Variants in SSH2 observed in about 807,000 individuals in gnomAD.
SSH2 encodes slingshot protein phosphatase 2.
A neutral mutation model predicts 135.2 loss-of-function variants in SSH2; 37 were observed. The observed-to-expected ratio is 0.27, with a 90% CI of 0.21 to 0.36. The LOEUF (loss-of-function observed/expected upper bound fraction) is 0.36. Among genes scored for constraint, SSH2 ranks in the 10% least tolerant of loss-of-function variants. The probability of loss-of-function intolerance (pLI) is 1.00; values close to 1 mark genes in which losing one functional copy is unlikely to be tolerated. For synonymous variants in SSH2, 628 were observed against 646.2 expected (o/e 0.97, Z 0.43); for missense variants, 1,408 against 1,765.3 (o/e 0.80, Z 3.63).
In SSH2 at chr17:29,671,481, C is replaced by T. The variant is rs1337823339; in HGVS notation, c.809+454G>A. ...TGGGTGACAGAGTGAGATCCTGTCT[C>T]TTAAAAAAAAAAATTAGCTTATTAG... On this transcript the variant is annotated intron_variant, in intron 9 of 15. Transcript: ENST00000540801. Among the ~76,000 whole-genome samples, 4 of 150,858 alleles carry T rather than the reference C, an allele frequency of 2.7e-5. 1 individual carries two copies. Among genetic ancestry groups the T allele is most frequent in the Non-Finnish European group, 5.9e-5 (4 of 67,804 alleles).
Position 29,631,535 on chromosome 17 carries a change from C to T in SSH2, c.3659G>A (p.Gly1220Asp). 2 of 1,614,148 alleles carry T rather than the reference C, an allele frequency of 1.2e-6. No homozygotes were observed. ...SADLSLISKL[G>D]DNTGELQEKM... ...CTCCTGTAACTCCCCAGTGTTGTCA[C>T]CAAGTTTGCTAATTAAACTTAGGTC... Residue 1220 changes from glycine to aspartate, a missense_variant, in exon 16 of 16, where the codon GGT (glycine) becomes GAT (aspartate). Physicochemically the swap from Gly to Asp is moderately conservative, Grantham distance 94. This residue lies in a region of SSH2 where 1,080 missense variants were observed against 1,144.5 expected (regional missense o/e 0.94). Transcript: ENST00000540801.
intron 3 of SSH2, among the ~76,000 whole-genome samples, chr17:29,756,534 A>G (rs993846181): frequency 7.5e-6 from 1 of 133,796 alleles, no homozygotes; most frequent in Admixed American, 9.0e-5. Flanking sequence ...GTCCTGCTAC[A>G]TTGCCTGGGC....
At chr17:29,653,583 T>G (rs1289746560) in intron 12 of SSH2, among the ~76,000 whole-genome samples, 2 of 151,918 alleles carry the variant, frequency 1.3e-5, no homozygotes, top group African/African-American at 4.8e-5. Context: ...TTCCCAGAAG[T>G]ACAGATTTTT....
At chr17:29,910,301 G>T (rs912504038) in intron 1 of SSH2, among the ~76,000 whole-genome samples, 2 of 146,068 alleles carry the variant, frequency 1.4e-5, no homozygotes, top group African/African-American at 5.1e-5. Context: ...TGTTCAGAGG[G>T]TACACCCCTG....
intron 1 of SSH2, chr17:29,855,772 T>C (rs2065651684): frequency 6.2e-6 from 1 of 160,410 alleles, no homozygotes; most frequent in African/African-American, 2.4e-5. Context: ...AAGACCATTC[T>C]TGGCAATCAG....
chr17:29,878,570 A>T (rs919835282), intron 1 of SSH2, among the ~76,000 whole-genome samples: 3 of 152,224 alleles, frequency 2.0e-5, no homozygotes, highest in African/African-American at 7.2e-5. Flanking sequence ...ATGAGATTTT[A>T]AAAAAAACAA....
chr17:29,785,623 C>CT (rs2041942646), intron 3 of SSH2, among the ~76,000 whole-genome samples: 1 of 150,952 alleles, frequency 6.6e-6, no homozygotes, highest in African/African-American at 2.4e-5. Context: ...CCTCAGCCTC[C>CT]TGAGTAGCTG....
intron 14 of SSH2, among the ~76,000 whole-genome samples, chr17:29,637,578 T>A (rs1300517526): frequency 6.6e-6 from 1 of 151,846 alleles, no homozygotes; most frequent in Non-Finnish European, 1.5e-5. Flanking sequence ...GCCCAGAAGT[T>A]CGAGACCAGC....
intron 3 of SSH2, among the ~76,000 whole-genome samples, chr17:29,746,615 T>G (rs2040774460): frequency 6.6e-6 from 1 of 151,470 alleles, no homozygotes; most frequent in South Asian, 2.1e-4. Flanking sequence ...TTAAAACTTT[T>G]GATGTTCATG....
At chr17:29,681,541 G>T (rs1487873491) in intron 6 of SSH2, among the ~76,000 whole-genome samples, 3 of 150,642 alleles carry the variant, frequency 2.0e-5, no homozygotes, top group African/African-American at 7.3e-5. Context: ...GACATTTCAA[G>T]GTGTTAGGGG....
At chr17:29,928,055 T>C (rs1246342773) in intron 1 of SSH2, among the ~76,000 whole-genome samples, 5 of 152,220 alleles carry the variant, frequency 3.3e-5, no homozygotes, top group Non-Finnish European at 7.3e-5. Flanking sequence ...TTGATATACA[T>C]ATATTATCAT....
In SSH2 at chr17:29,677,654, A is replaced by G. The variant is rs2037786353; in HGVS notation, c.548+19T>C. On this transcript the variant is annotated intron_variant, in intron 7 of 15. Coordinates refer to ENST00000540801, the MANE Select transcript of SSH2 (RefSeq NM_001282129.2). Reference sequence around the variant, plus strand: ...ACCCCTTGGCTTTCTGTAACAGAATAAAAAAGGAAATCTCTTACCCATCAC... The same window carrying G: ...ACCCCTTGGCTTTCTGTAACAGAATGAAAAAGGAAATCTCTTACCCATCAC... 12 of 1,609,082 alleles carry G rather than the reference A, an allele frequency of 7.5e-6. No individual in the cohort carries two copies. The highest frequency in any genetic ancestry group is 1.3e-5 in the African/African-American group (1 of 74,810).
intron 14 of SSH2, among the ~76,000 whole-genome samples, chr17:29,641,334 T>C (rs896750175): frequency 6.6e-6 from 1 of 152,252 alleles, no homozygotes; most frequent in African/African-American, 2.4e-5. Context: ...ATATCTATTA[T>C]TTTAAACTAT....
At chr17:29,918,666 G>C (rs890852918) in intron 1 of SSH2, among the ~76,000 whole-genome samples, 4 of 152,152 alleles carry the variant, frequency 2.6e-5, no homozygotes, top group African/African-American at 4.8e-5. Context: ...ACTGGGCACT[G>C]TGGCTCACGC....
chr17:29,790,425 T>C (rs904803333), intron 3 of SSH2, among the ~76,000 whole-genome samples: 1 of 152,192 alleles, frequency 6.6e-6, no homozygotes. Context: ...TTTCCCAGCC[T>C]CCAGGACTGT....
chr17:29,721,000 T>C (rs1295288267), intron 3 of SSH2, among the ~76,000 whole-genome samples: 1 of 152,222 alleles, frequency 6.6e-6, no homozygotes, highest in Non-Finnish European at 1.5e-5. Context: ...AAATTTAATT[T>C]ATTAAGCTTT....
intron 1 of SSH2, among the ~76,000 whole-genome samples, chr17:29,920,515 A>G (rs763126993): frequency 6.6e-6 from 1 of 152,164 alleles, no homozygotes; most frequent in Admixed American, 6.6e-5. Context: ...AACACCTTAT[A>G]CCTGAATTAA....
intron 3 of SSH2, among the ~76,000 whole-genome samples, chr17:29,730,119 G>A (rs1345830735): frequency 1.3e-5 from 2 of 151,892 alleles, no homozygotes; most frequent in African/African-American, 4.8e-5. Context: ...TCAGGAGTTC[G>A]AAACCAGGCT....
intron 6 of SSH2, among the ~76,000 whole-genome samples, chr17:29,684,340 A>T (rs1160421988): frequency 1.3e-5 from 2 of 152,052 alleles, no homozygotes; most frequent in Non-Finnish European, 2.9e-5. Flanking sequence ...AGTTTGGCAT[A>T]GTGGTGTACA....
Sources: allele counts gnomAD v4.1 joint callset (sites outside exome capture counted in the v4.1 genomes callset), GRCh38; gene constraint gnomAD v4.1.1; regional missense constraint gnomAD v4.1.1; transcripts MANE v1.5; gene names NCBI Gene and HGNC (gene_info 2026-07-23, HGNC 2026-07-21).